RHOJ: variants seen among roughly 807,000 people sequenced by gnomAD.
RHOJ encodes the protein ras homolog family member J.
Under a neutral mutation model 23.4 loss-of-function variants are expected in RHOJ, and 11 were observed. The ratio of observed to expected loss-of-function variants is 0.47; its 90% CI spans 0.30 to 0.78. The LOEUF (loss-of-function observed/expected upper bound fraction) is 0.78. RHOJ is among the 30% of genes least tolerant of loss of function. RHOJ has a pLI of 0.08. For missense variants in RHOJ, 254 were observed against 273.4 expected (o/e 0.93, Z 0.50); for synonymous variants, 102 against 102.7 (o/e 0.99, Z 0.04).
chr14:63,238,899 T>C (rs1303844405), intron 1 of RHOJ, among the ~76,000 whole-genome samples: 1 of 152,172 alleles, frequency 6.6e-6, no homozygotes. Context: ...TGCAGCTTAA[T>C]TAAGAAACAT....
chr14:63,275,051 C>G (rs1881674772), intron 2 of RHOJ, among the ~76,000 whole-genome samples: 1 of 152,166 alleles, frequency 6.6e-6, no homozygotes, highest in Admixed American at 6.5e-5. Flanking sequence ...ACTAGCATCA[C>G]CTGGACATTT....
intron 1 of RHOJ, among the ~76,000 whole-genome samples, chr14:63,259,250 C>T (rs1243721978): frequency 4.6e-5 from 7 of 152,202 alleles, no homozygotes; most frequent in Non-Finnish European, 8.8e-5. Context: ...TTACCTAAAA[C>T]TGGGCAGAAA....
At chr14:63,251,233 A>G (rs1345329002) in intron 1 of RHOJ, among the ~76,000 whole-genome samples, 1 of 152,156 alleles carries the variant, frequency 6.6e-6, no homozygotes, top group East Asian at 1.9e-4. Flanking sequence ...TGGATGCCCT[A>G]GCACCCAGCT....
chr14:63,243,401 G>A (rs570804169), intron 1 of RHOJ, among the ~76,000 whole-genome samples: 6 of 152,214 alleles, frequency 3.9e-5, no homozygotes, highest in South Asian at 4.1e-4. Context: ...GTACAGTGGC[G>A]TGATCTCAGC....
chr14:63,228,392 G>A (rs888546571), intron 1 of RHOJ, among the ~76,000 whole-genome samples: 3 of 152,032 alleles, frequency 2.0e-5, no homozygotes, highest in African/African-American at 7.2e-5. Context: ...TGACTTACAG[G>A]CTCATTCTTG....
intron 1 of RHOJ, among the ~76,000 whole-genome samples, chr14:63,242,538 A>G (rs955621284): frequency 3.3e-5 from 5 of 152,198 alleles, no homozygotes; most frequent in Non-Finnish European, 7.3e-5. Flanking sequence ...ACTGCACTCC[A>G]GGACGACAGA....
At chr14:63,267,071 A>T (rs553755012) in intron 1 of RHOJ, among the ~76,000 whole-genome samples, 1 of 152,290 alleles carries the variant, frequency 6.6e-6, no homozygotes, top group African/African-American at 2.4e-5. Context: ...GAAGAATTGA[A>T]TCTGGTCTTT....
chr14:63,285,653 A>G (rs942781119), intron 4 of RHOJ, among the ~76,000 whole-genome samples: 18 of 151,732 alleles, frequency 1.2e-4, no homozygotes, highest in African/African-American at 4.4e-4. Context: ...GACTTCTTTT[A>G]TTCTCCCTCT....
chr14:63,228,956 C>T (rs1288680038), intron 1 of RHOJ, among the ~76,000 whole-genome samples: 2 of 152,202 alleles, frequency 1.3e-5, no homozygotes, highest in African/African-American at 2.4e-5. Context: ...ATAGCTCCTT[C>T]TTCTGACCTG....
intron 1 of RHOJ, among the ~76,000 whole-genome samples, chr14:63,256,999 G>A (rs1895178479): frequency 6.6e-6 from 1 of 151,784 alleles, no homozygotes; most frequent in Non-Finnish European, 1.5e-5. Context: ...TTGAACCCGG[G>A]AGGTGGAAGT....
chr14:63,281,103 C>G lies in RHOJ; in HGVS notation c.370C>G (p.Pro124Ala). 1 of 1,613,746 alleles carries G rather than the reference C, an allele frequency of 6.2e-7. No individual in the cohort carries two copies. ...EWVPELKDCM[P>A]HVPYVLIGTQ... ...GGTCCCCGAGCTCAAGGACTGCATGCCTCACGTGCCTTATGTCCTCATAGG... is the reference window on the plus strand; with the variant it reads ...GGTCCCCGAGCTCAAGGACTGCATGGCTCACGTGCCTTATGTCCTCATAGG... Residue 124 changes from proline to alanine, a missense_variant, in exon 3 of 5, where the codon CCT becomes GCT. By Grantham distance (27) the Pro-to-Ala change is conservative. Coordinates refer to ENST00000316754, the MANE Select transcript of RHOJ (RefSeq NM_020663.5).
At chr14:63,288,373 C>T (rs1244699072) in intron 4 of RHOJ, 1 of 980,476 alleles carries the variant, frequency 1.0e-6, no homozygotes, top group African/African-American at 1.7e-5. Flanking sequence ...CAATCCTAGG[C>T]TTGGGATCCT....
rs1158158512 is a variant in RHOJ, at chr14:63,226,191, G to GA, written c.178+21149dup. Among the ~76,000 whole-genome samples, 9 of 152,134 alleles carry GA rather than the reference G, an allele frequency of 5.9e-5. 1 individual carries two copies. Among genetic ancestry groups the GA allele is most frequent in the African/African-American group, 1.9e-4 (8 of 41,502 alleles). ...ATTAGCAGCTGAGACTTGCTCTCAGGAAAAATAATGCCATATGATAGGTAA... is the reference window on the plus strand; with the variant it reads ...ATTAGCAGCTGAGACTTGCTCTCAGGAAAAAATAATGCCATATGATAGGTAA... On this transcript the variant is annotated intron_variant, in intron 1 of 4. Transcript: ENST00000316754.
chr14:63,266,622 G>A (rs895644543), intron 1 of RHOJ, among the ~76,000 whole-genome samples: 1 of 152,136 alleles, frequency 6.6e-6, no homozygotes. Context: ...GTGTTTTATA[G>A]TTCTCCTTGT....
intron 2 of RHOJ, among the ~76,000 whole-genome samples, chr14:63,274,092 C>T (rs1881637100): frequency 6.6e-6 from 1 of 152,192 alleles, no homozygotes; most frequent in Non-Finnish European, 1.5e-5. Context: ...AGGAAGCACG[C>T]AACCAAGCAA....
At chr14:63,205,584 G>A (rs2146941) in intron 1 of RHOJ, among the ~76,000 whole-genome samples, 23,935 of 152,104 alleles carry the variant, frequency 0.16, 2,487 homozygotes, top group African/African-American at 0.29. Context: ...GTAGATTGGG[G>A]GAGAGTTTTT....
chr14:63,208,795 G>A (rs1053788096), intron 1 of RHOJ, among the ~76,000 whole-genome samples: 1 of 151,964 alleles, frequency 6.6e-6, no homozygotes, highest in Non-Finnish European at 1.5e-5. Context: ...TCCTGATAAC[G>A]GCAAAACTTG....
chr14:63,228,587 A>T (rs1414406434), intron 1 of RHOJ, among the ~76,000 whole-genome samples: 2 of 152,188 alleles, frequency 1.3e-5, no homozygotes, highest in Admixed American at 1.3e-4. Context: ...AAAAAAAGTC[A>T]AACTACAGAA....
intron 1 of RHOJ, among the ~76,000 whole-genome samples, chr14:63,249,503 A>G (rs190048724): frequency 6.6e-6 from 1 of 152,356 alleles, no homozygotes; most frequent in East Asian, 1.9e-4. Flanking sequence ...GGTCTCAGAT[A>G]AATTTGACAA....
Sources: gnomAD v4.1 joint callset for allele counts (sites outside exome capture counted in the v4.1 genomes callset) on GRCh38, gnomAD v4.1.1 for gene constraint, MANE v1.5 for transcripts, NCBI Gene and HGNC (gene_info 2026-07-23, HGNC 2026-07-21) for gene names.